VPS18: variants seen among roughly 807,000 people sequenced by gnomAD.
The protein encoded by VPS18 is vacuolar protein sorting-associated protein 18 homolog.
A neutral mutation model predicts 82.0 loss-of-function variants in VPS18; 25 were observed. That is an observed-to-expected ratio of 0.30 (90% confidence interval 0.22 to 0.43). VPS18 has a LOEUF of 0.43. VPS18 is among the 20% of genes least tolerant of loss of function. The pLI is 1.00. For synonymous variants in VPS18, 523 were observed against 543.0 expected (o/e 0.96, Z 0.51); for missense variants, 1,168 against 1,311.1 (o/e 0.89, Z 1.69).
Position 40,900,785 on chromosome 15 carries a change from T to TG in VPS18, c.1972dup (p.Glu658GlyfsTer3). On this transcript the variant is annotated frameshift_variant, in exon 4 of 5. Transcript: ENST00000220509. LOFTEE classifies it high-confidence loss of function. The surrounding 1 kb of genome is among the most constrained non-coding windows in gnomAD (Gnocchi z 5.4). ...TACATGGAGTTCTGCGTGAACGTGCTGGGGGAGACTGAGCAGGCCATCCAC... is the reference window on the plus strand; with the variant it reads ...TACATGGAGTTCTGCGTGAACGTGCTGGGGGGAGACTGAGCAGGCCATCCAC... 1 of 1,614,202 alleles carries TG rather than the reference T, an allele frequency of 6.2e-7. No homozygotes were observed.
Position 40,900,017 on chromosome 15 carries a change from G to A in VPS18, c.1199G>A (p.Arg400His), listed in dbSNP as rs769151051. 1.9e-6 allele frequency: 3 copies of A among 1,613,980 alleles called. No homozygotes were observed. The highest frequency in any genetic ancestry group is 1.3e-5 in the African/African-American group (1 of 75,054). Residue 400 changes from arginine to histidine, a missense_variant, in exon 4 of 5, where the codon CGC (arginine) becomes CAC (histidine). Transcript: ENST00000220509. The surrounding 1 kb of genome is among the most constrained non-coding windows in gnomAD (Gnocchi z 5.4). ...CAACGGGAGGCCCGAGATGTCTGGC[G>A]CACCTATCTGGACATGAACCGCTTC... ...HVQREARDVW[R>H]TYLDMNRFDL... is the part of the protein sequence containing the mutation.
rs745476427 is a variant in VPS18 at position 40,899,933 on chromosome 15, ACTC to A, written c.1120_1122del (p.Ser374del). 15 of 1,612,638 alleles carry A rather than the reference ACTC, an allele frequency of 9.3e-6. No homozygotes were observed. The African/African-American group carries it at 1.5e-4, about 16-fold the overall frequency. ...GGGCCGCTGAAGCACATGGTGAAGG[ACTC>A]CTCCACAGGCCAGCTGTGGGCCTAC... On this transcript the variant is annotated inframe_deletion, in exon 4 of 5. Transcript: ENST00000220509. The surrounding 1 kb of genome is among the most constrained non-coding windows in gnomAD (Gnocchi z 4.4).
At position 40,894,802 on chromosome 15, in the gene VPS18, C is replaced by T; in HGVS notation, c.34C>T (p.Leu12=). Residue 12 remains leucine, a synonymous_variant, in exon 1 of 5, where the codon CTG becomes TTG. Transcript: ENST00000220509. ...ASILDEYENS[L]SRSAVLQPGC... ...CATCCTGGATGAGTACGAGAACTCG[C>T]TGTCCCGCTCGGCCGTCTTGCAGCC... The T allele has an allele frequency of 6.4e-7, 1 of 1,554,600 alleles. No individual in the cohort carries two copies. The highest frequency in any genetic ancestry group is 1.2e-5 in the South Asian group (1 of 84,240).
At position 40,903,530 on chromosome 15, in the gene VPS18, G is replaced by C. The variant is rs144974429; in HGVS notation, c.*189G>C. 265 of 750,374 alleles carry C rather than the reference G, an allele frequency of 3.5e-4. 3 individuals are homozygous for C. The African/African-American group carries it at 4.4e-3, about 13-fold the overall frequency. The allele number at this position is 750,374 out of a possible 1,614,324, so 46.5% of individuals were successfully genotyped here. A position where few individuals can be genotyped will look rare whatever the true frequency, so the allele number is the denominator to read the frequency against. ...GTGTATTCTGCCAGCTTTTCATGCTGTTCTTCAGAGCTGCAGTTATGCCAG... is the reference window on the plus strand; with the variant it reads ...GTGTATTCTGCCAGCTTTTCATGCTCTTCTTCAGAGCTGCAGTTATGCCAG... On this transcript the variant is annotated 3_prime_UTR_variant, in exon 5 of 5. Coordinates refer to ENST00000220509, the MANE Select transcript of VPS18 (RefSeq NM_020857.3).
chr15:40,896,345 C>T (rs183783038), intron 2 of VPS18, among the ~76,000 whole-genome samples: 1 of 152,128 alleles, frequency 6.6e-6, no homozygotes, highest in African/African-American at 2.4e-5. Flanking sequence ...TTGAGACCAG[C>T]CTGGGCAATA....
At position 40,900,749 on chromosome 15, in the gene VPS18, A is replaced by G. The variant is rs774748844; in HGVS notation, c.1931A>G (p.Gln644Arg). ...GGTGGTGAGGTCCAGCAGGTGAGCC[A>G]GGCCATCCGCTACATGGAGTTCTGC... is the stretch of plus-strand genomic sequence containing the variant. ...SQGGEVQQVS[Q>R]AIRYMEFCVN... is the part of the protein sequence containing the mutation. Residue 644 changes from glutamine (Q) to arginine (R), a missense_variant, in exon 4 of 5, where the codon CAG (glutamine) becomes CGG (arginine). Gln to Arg is a conservative substitution (Grantham distance 43). This residue lies in a region of VPS18 where 868 missense variants were observed against 939.8 expected (regional missense o/e 0.92). Transcript: ENST00000220509. This position sits in a 1 kb window ranked among gnomAD's most constrained non-coding sequence, Gnocchi z 5.4. 6 of 1,614,224 alleles carry G rather than the reference A, an allele frequency of 3.7e-6. No homozygotes were observed. The highest frequency in any genetic ancestry group is 5.1e-6 in the Non-Finnish European group (6 of 1,180,042).
Position 40,903,389 on chromosome 15 carries a change from G to A in VPS18, c.*48G>A, listed in dbSNP as rs530636584. 256 of 1,511,122 alleles carry A rather than the reference G, an allele frequency of 1.7e-4. 3 individuals are homozygous for A. In the South Asian group the frequency reaches 3.1e-3, roughly 19 times the overall value. The allele number at this position is 1,511,122 out of a possible 1,614,324, so 93.6% of individuals were successfully genotyped here. On this transcript the variant is annotated 3_prime_UTR_variant, in exon 5 of 5. Coordinates refer to ENST00000220509, the MANE Select transcript of VPS18 (RefSeq NM_020857.3). ...GGTGGGCAATGGGGAGCAGTGGCTT[G>A]AACCCACTTGAGAAGGCTGCCTCCT...
chr15:40,900,876 T>C lies in VPS18; in HGVS notation c.2058T>C (p.Ala686=). ...CACTACTGGCCTATCTGGAGCAGGC[T>C]GGGGCCAGCCCCCACCGGGTGCATT... ...PDSLLAYLEQ[A]GASPHRVHYD... Residue 686 remains alanine, a synonymous_variant, in exon 4 of 5, where the codon GCT becomes GCC. Transcript: ENST00000220509. The surrounding 1 kb of genome is among the most constrained non-coding windows in gnomAD (Gnocchi z 5.4). 1 of 1,614,088 alleles carries C rather than the reference T, an allele frequency of 6.2e-7. No homozygotes were observed. Among genetic ancestry groups the C allele is most frequent in the Non-Finnish European group, 8.5e-7 (1 of 1,180,030 alleles).
At position 40,899,565 on chromosome 15, in the gene VPS18, A is replaced by G. The variant is rs772888798; in HGVS notation, c.747A>G (p.Ala249=). The G allele has an allele frequency of 6.2e-7, 1 of 1,608,242 alleles. No homozygotes were observed. Among genetic ancestry groups the G allele is most frequent in the South Asian group, 1.1e-5 (1 of 91,086 alleles). ...CCCAGGGTTTCTCAGGGCTCTTTGC[A>G]GCTTACACGGACCACCCACCCCCAT... The part of the protein sequence containing the change: ...AEAQGFSGLF[A]AYTDHPPPFR... Residue 249 remains alanine, a synonymous_variant, in exon 4 of 5, where the codon GCA becomes GCG. Transcript: ENST00000220509. This position sits in a 1 kb window ranked among gnomAD's most constrained non-coding sequence, Gnocchi z 4.4.
At chr15:40,898,505 T>A (rs892134945) in intron 2 of VPS18, among the ~76,000 whole-genome samples, 1 of 150,332 alleles carries the variant, frequency 6.7e-6, no homozygotes, top group African/African-American at 2.5e-5. Context: ...GAGGTCTCAC[T>A]CTGTTGCCCA....
chr15:40,899,874 G>C lies in VPS18; in HGVS notation c.1056G>C (p.Gln352His). The C allele has an allele frequency of 6.2e-7, 1 of 1,609,292 alleles. No homozygotes were observed. Among genetic ancestry groups the C allele is most frequent in the Non-Finnish European group, 8.5e-7 (1 of 1,180,004 alleles). The stretch of plus-strand genomic sequence containing the variant: ...AGGCAGTGTGCACACTGACCGGGCA[G>C]GTGGTGCTGCGGGATCACTTCCTGG... The part of the protein sequence containing the change: ...RVEAVCTLTG[Q>H]VVLRDHFLEK... The change falls in exon 4 of 5, where the codon CAG (glutamine) becomes CAC (histidine). Residue 352 changes from glutamine (Q) to histidine (H), a missense_variant. Physicochemically the swap from Gln to His is conservative, Grantham distance 24 (BLOSUM62 0). Around this residue, in one of 3 missense-constraint regions of VPS18, gnomAD observed 868 missense variants for 939.8 expected, o/e 0.92. Transcript: ENST00000220509. This position sits in a 1 kb window ranked among gnomAD's most constrained non-coding sequence, Gnocchi z 4.4.
At position 40,902,843 on chromosome 15, in the gene VPS18, A is replaced by C. The variant is rs752714151; in HGVS notation, c.2424A>C (p.Ser808=). 5.6e-6 allele frequency: 9 copies of C among 1,614,086 alleles called. No homozygotes were observed. The highest frequency in any genetic ancestry group is 4.0e-5 in the African/African-American group (3 of 74,928). The change falls in exon 5 of 5, where the codon TCA becomes TCC. Residue 808 remains serine, a synonymous_variant. Transcript: ENST00000220509. This position sits in a 1 kb window ranked among gnomAD's most constrained non-coding sequence, Gnocchi z 4.2. ...ACTTCAAGGAGGCGATCTGCAGCTC[A>C]CTTAAGGCCTACAACCACCACATCC... The part of the protein sequence containing the change: ...IDHFKEAICS[S]LKAYNHHIQE...
chr15:40,903,323 G>A lies in VPS18; in HGVS notation c.2904G>A (p.Glu968=), dbSNP rs1407685966. The change falls in exon 5 of 5, where the codon GAG becomes GAA. Residue 968 remains glutamate (E), a synonymous_variant. Coordinates refer to ENST00000220509, the MANE Select transcript of VPS18 (RefSeq NM_020857.3). ...PFIDPQRYEE[E]QLSWL is the part of the protein sequence containing the mutation. ...TCGACCCCCAGCGCTACGAGGAGGA[G>A]CAGCTCAGTTGGCTGTAGGAGGGTG... 1.9e-6 allele frequency: 3 copies of A among 1,543,710 alleles called. No individual in the cohort carries two copies. The highest frequency in any genetic ancestry group is 2.5e-5 in the South Asian group (2 of 80,038).
intron 4 of VPS18, among the ~76,000 whole-genome samples, chr15:40,901,284 T>C (rs1209195689): frequency 6.6e-6 from 1 of 152,150 alleles, no homozygotes; most frequent in Non-Finnish European, 1.5e-5. Context: ...CCTCATAGGG[T>C]TGATAAAGTT....
chr15:40,898,190 G>A (rs1456267310), intron 2 of VPS18, among the ~76,000 whole-genome samples: 1 of 151,880 alleles, frequency 6.6e-6, no homozygotes, highest in Non-Finnish European at 1.5e-5. Flanking sequence ...TCCTGACCTT[G>A]TGATCTGCCC....
Position 40,899,473 on chromosome 15 carries a change from T to G in VPS18, c.655T>G (p.Phe219Val). 1 of 1,611,090 alleles carries G rather than the reference T, an allele frequency of 6.2e-7. No homozygotes were observed. The highest frequency in any genetic ancestry group is 1.3e-5 in the African/African-American group (1 of 74,994). ...CGAGCGGGGCCCTGATGGGCGTAGC[T>G]TTGTTATTGCCACCACTCGGCAGCG... is the stretch of plus-strand genomic sequence containing the variant. ...EAERGPDGRS[F>V]VIATTRQRLF... Residue 219 changes from phenylalanine (F) to valine (V), a missense_variant, in exon 4 of 5, where the codon TTT becomes GTT. Around this residue, in one of 3 missense-constraint regions of VPS18, gnomAD observed 868 missense variants for 939.8 expected, o/e 0.92. Transcript: ENST00000220509. This position sits in a 1 kb window ranked among gnomAD's most constrained non-coding sequence, Gnocchi z 4.4.
In VPS18 at chr15:40,903,218, GGCT is replaced by G; in HGVS notation, c.2801_2803del (p.Ala934del). ...CAGGGCCCAGCCGGGAACAGCTCAA[GGCT>G]GACCTGGATGAGTTGGTGGCCGCTG... On this transcript the variant is annotated inframe_deletion, in exon 5 of 5. Coordinates refer to ENST00000220509, the MANE Select transcript of VPS18 (RefSeq NM_020857.3). 6.2e-7 allele frequency: 1 copy of G among 1,612,024 alleles called. No homozygotes were observed. Among genetic ancestry groups the G allele is most frequent in the Non-Finnish European group, 8.5e-7 (1 of 1,179,260 alleles).
rs1892197057 is a variant in VPS18, at chr15:40,894,690, C to G, written c.-79C>G. On this transcript the variant is annotated 5_prime_UTR_variant, in exon 1 of 5. Transcript: ENST00000220509. ...AGGCTGGGGAGTTACAGCTTCCATT[C>G]TGGGGCGACGGGGACCCCGGGGGGG... 1.4e-6 allele frequency: 2 copies of G among 1,401,592 alleles called. No homozygotes were observed. Among genetic ancestry groups the G allele is most frequent in the South Asian group, 2.8e-5 (2 of 72,362 alleles). The allele number at this position is 1,401,592 out of a possible 1,614,324, so 86.8% of individuals were successfully genotyped here.
rs1398585211 is a variant in VPS18, at chr15:40,899,821, T to G, written c.1003T>G (p.Phe335Val). Residue 335 changes from phenylalanine to valine, a missense_variant, in exon 4 of 5, where the codon TTC becomes GTC. Phe to Val is a conservative substitution (Grantham distance 50). Around this residue, in one of 3 missense-constraint regions of VPS18, gnomAD observed 868 missense variants for 939.8 expected, o/e 0.92. Transcript: ENST00000220509. This position sits in a 1 kb window ranked among gnomAD's most constrained non-coding sequence, Gnocchi z 4.4. Reference sequence around the variant, plus strand: ...AGCCATCGTCTTGACCCAGTTCCACTTCCTGCTGCTACTGGCAGACCGGGT... The same window carrying G: ...AGCCATCGTCTTGACCCAGTTCCACGTCCTGCTGCTACTGGCAGACCGGGT... ...PLAIVLTQFHFLLLLADRVEA... is the reference protein window; with the variant it reads ...PLAIVLTQFHVLLLLADRVEA... 1.2e-6 allele frequency: 2 copies of G among 1,610,012 alleles called. No individual in the cohort carries two copies. Among genetic ancestry groups the G allele is most frequent in the Non-Finnish European group, 1.7e-6 (2 of 1,179,994 alleles).
Sources: gnomAD v4.1 joint callset for allele counts (sites outside exome capture counted in the v4.1 genomes callset) on GRCh38, gnomAD v4.1.1 for gene constraint, gnomAD v4.1.1 regional missense constraint, Gnocchi (gnomAD v3.1) non-coding constraint, MANE v1.5 for transcripts, NCBI Gene and HGNC (gene_info 2026-07-23, HGNC 2026-07-21) for gene names.